The following GRID1 variants were observed in gnomAD, a reference collection of about 807,000 sequenced individuals.
GRID1 encodes the protein glutamate ionotropic receptor delta type subunit 1, also known as glutamate receptor ionotropic, delta-1.
Under a neutral mutation model 98.0 loss-of-function variants are expected in GRID1, and 28 were observed. The observed-to-expected ratio is 0.29, with a 90% confidence interval of 0.21 to 0.39. The LOEUF is 0.39. Ranked by LOEUF, GRID1 falls within the 10% of genes least tolerant of loss-of-function variation. GRID1 has a pLI of 1.00. For synonymous variants in GRID1, 553 were observed against 538.5 expected (o/e 1.03, Z -0.37); for missense variants, 1,111 against 1,340.5 (o/e 0.83, Z 2.67).
intron 5 of GRID1, among the ~76,000 whole-genome samples, chr10:85,873,718 C>A (rs1030057953): frequency 6.6e-6 from 1 of 152,168 alleles, no homozygotes; most frequent in Admixed American, 6.5e-5. Context: ...GTAAGCTAAA[C>A]AATGTGTATG....
chr10:85,704,311 T>C (rs1841489145), intron 12 of GRID1, among the ~76,000 whole-genome samples: 1 of 152,040 alleles, frequency 6.6e-6, no homozygotes, highest in African/African-American at 2.4e-5. Flanking sequence ...AGGGCAGGGG[T>C]TGCAATCCTA....
intron 12 of GRID1, among the ~76,000 whole-genome samples, chr10:85,683,206 C>T (rs576484162): frequency 2.0e-5 from 3 of 150,974 alleles, no homozygotes; most frequent in Admixed American, 2.0e-4. Context: ...TATAGGCATG[C>T]AGAGAAAAAA....
At chr10:85,934,167 G>A (rs1055727607) in intron 4 of GRID1, among the ~76,000 whole-genome samples, 8 of 152,082 alleles carry the variant, frequency 5.3e-5, no homozygotes, top group African/African-American at 1.4e-4. Flanking sequence ...GACCTCTGAC[G>A]GGAGAAGTGA....
At chr10:85,634,283 T>TCTCTCTCTCC (rs1843010093) in intron 13 of GRID1, among the ~76,000 whole-genome samples, 1 of 143,254 alleles carries the variant, frequency 7.0e-6, no homozygotes, top group African/African-American at 2.8e-5. Flanking sequence ...TCTCTCTCTC[T>TCTCTCTCTCC]CTCTCTCTCA....
chr10:86,145,640 A>T (rs1845079366), intron 3 of GRID1, among the ~76,000 whole-genome samples: 3 of 152,116 alleles, frequency 2.0e-5, no homozygotes, highest in Admixed American at 2.0e-4. Context: ...GACCCAGTTC[A>T]AACTTCCCCT....
intron 4 of GRID1, among the ~76,000 whole-genome samples, chr10:86,004,282 A>G (rs1842833536): frequency 6.6e-6 from 1 of 152,180 alleles, no homozygotes; most frequent in Non-Finnish European, 1.5e-5. Flanking sequence ...AGGTTTACAC[A>G]TGTTTGAAAA....
intron 2 of GRID1, among the ~76,000 whole-genome samples, chr10:86,306,296 G>T (rs1847757864): frequency 6.6e-6 from 1 of 152,214 alleles, no homozygotes; most frequent in Non-Finnish European, 1.5e-5. Flanking sequence ...CTCTCACAAG[G>T]ACTGAGTATT....
At chr10:85,841,564 A>G (rs1842961583) in intron 8 of GRID1, among the ~76,000 whole-genome samples, 1 of 152,230 alleles carries the variant, frequency 6.6e-6, no homozygotes, top group African/African-American at 2.4e-5. Context: ...AGAATGAGAT[A>G]AAATTTTTGC....
intron 2 of GRID1, among the ~76,000 whole-genome samples, chr10:86,260,185 T>G (rs997126875): frequency 3.3e-5 from 5 of 152,238 alleles, no homozygotes; most frequent in Non-Finnish European, 7.3e-5. Flanking sequence ...ACCAACCACG[T>G]GGCTTCCTTC....
intron 2 of GRID1, among the ~76,000 whole-genome samples, chr10:86,215,436 G>A (rs1158773861): frequency 6.6e-6 from 1 of 152,160 alleles, no homozygotes; most frequent in Non-Finnish European, 1.5e-5. Context: ...GGGAACACTG[G>A]GTGGGATCAT....
At chr10:85,991,321 G>A (rs546017983) in intron 4 of GRID1, among the ~76,000 whole-genome samples, 27 of 152,336 alleles carry the variant, frequency 1.8e-4, no homozygotes, top group African/African-American at 5.8e-4. Flanking sequence ...TAGGGGAGGA[G>A]CAAAGTAGAG....
At chr10:85,949,572 A>G (rs1275265628) in intron 4 of GRID1, among the ~76,000 whole-genome samples, 2 of 152,096 alleles carry the variant, frequency 1.3e-5, no homozygotes, top group Non-Finnish European at 2.9e-5. Context: ...GGTTTTTGCT[A>G]TTATGGATGG....
At chr10:86,204,805 A>AC (rs1307017319) in intron 3 of GRID1, among the ~76,000 whole-genome samples, 1 of 151,752 alleles carries the variant, frequency 6.6e-6, no homozygotes, top group African/African-American at 2.4e-5. Context: ...GGACCACAGC[A>AC]CCCCCATCCC....
At chr10:86,308,520 C>T (rs1847790556) in intron 2 of GRID1, among the ~76,000 whole-genome samples, 1 of 152,210 alleles carries the variant, frequency 6.6e-6, no homozygotes, top group African/African-American at 2.4e-5. Context: ...CACAGACTCT[C>T]CCATGGGGTG....
chr10:85,746,947 G>A (rs569576291), intron 8 of GRID1, among the ~76,000 whole-genome samples: 25 of 152,156 alleles, frequency 1.6e-4, no homozygotes, highest in Non-Finnish European at 3.2e-4. Flanking sequence ...GCCTGGGCTG[G>A]TTTATTCCTC....
intron 10 of GRID1, 61 bp from the exon 11 acceptor site, chr10:85,724,737 T>C: frequency 7.2e-7 from 1 of 1,395,442 alleles, no homozygotes; most frequent in East Asian, 2.3e-5. Context: ...GGTTCTGCCC[T>C]GGGTCAAGGT....
intron 2 of GRID1, among the ~76,000 whole-genome samples, chr10:86,342,067 G>A (rs1466341479): frequency 6.6e-6 from 1 of 152,176 alleles, no homozygotes; most frequent in Non-Finnish European, 1.5e-5. Flanking sequence ...TGAGGGGCTG[G>A]TGTGACCTTC....
intron 4 of GRID1, among the ~76,000 whole-genome samples, chr10:85,984,873 A>G (rs1564642557): frequency 7.6e-6 from 1 of 131,110 alleles, no homozygotes; most frequent in Non-Finnish European, 1.8e-5. Flanking sequence ...GGCTCTTAAC[A>G]CTCTGACTCT....
At position 86,186,184 on chromosome 10, in the gene GRID1, T is replaced by C. The variant is rs189561055; in HGVS notation, c.520+20180A>G. 3.8e-3 allele frequency among the ~76,000 whole-genome samples: 577 copies of C among 152,324 alleles called. 6 individuals carry two copies. The highest frequency in any genetic ancestry group is 0.013 in the African/African-American group (538 of 41,574). ...AAGGAATTTGTCTATTTCAGCTTAG[T>C]TGTCAAATGTGTTGGCATAAGGTTT... On this transcript the variant is annotated intron_variant, in intron 3 of 15. Transcript: ENST00000327946.
Sources: gnomAD v4.1 joint callset for allele counts (sites outside exome capture counted in the v4.1 genomes callset) on GRCh38, gnomAD v4.1.1 for gene constraint, MANE v1.5 for transcripts, NCBI Gene and HGNC (gene_info 2026-07-23, HGNC 2026-07-21) for gene names.